CSMD1: variants seen among roughly 807,000 people sequenced by gnomAD.
CSMD1 encodes the protein CUB and sushi domain-containing protein 1.
A neutral mutation model predicts 417.5 loss-of-function variants in CSMD1; 213 were observed. The observed-to-expected ratio is 0.51, with a 90% CI of 0.46 to 0.57. The LOEUF (loss-of-function observed/expected upper bound fraction) is 0.57. CSMD1 is among the 20% of genes least tolerant of loss of function. CSMD1 has a pLI of 0.00. For synonymous variants in CSMD1, 2,862 were observed against 1,736.8 expected, an observed-to-expected ratio of 1.65 and a Z score of -16.11; for missense variants, 6,923 against 4,529.7, an observed-to-expected ratio of 1.53 and a Z score of -15.17.
At chr8:4,038,139 T>G (rs1333384756) in intron 3 of CSMD1, among the ~76,000 whole-genome samples, 1 of 152,138 alleles carries the variant, frequency 6.6e-6, no homozygotes, top group Non-Finnish European at 1.5e-5. Flanking sequence ...AGTCACTGAT[T>G]GGTGACACAA....
intron 13 of CSMD1, among the ~76,000 whole-genome samples, chr8:3,409,165 A>C (rs1286754160): frequency 6.6e-6 from 1 of 152,234 alleles, no homozygotes; most frequent in East Asian, 1.9e-4. Context: ...GATATATGTG[A>C]TGACCCTTTC....
At chr8:3,537,598 T>C (rs1014273713) in intron 10 of CSMD1, among the ~76,000 whole-genome samples, 1 of 152,244 alleles carries the variant, frequency 6.6e-6, no homozygotes, top group Non-Finnish European at 1.5e-5. Context: ...ATTCTGATAA[T>C]GTAATGATGG....
At chr8:4,447,938 CCAT>C (rs1257051110) in intron 2 of CSMD1, among the ~76,000 whole-genome samples, 1 of 152,042 alleles carries the variant, frequency 6.6e-6, no homozygotes, top group African/African-American at 2.4e-5. Context: ...ACCACACTCA[CCAT>C]ATTTTTTAAA....
At chr8:3,630,979 G>C (rs1439086569) in intron 7 of CSMD1, among the ~76,000 whole-genome samples, 1 of 152,174 alleles carries the variant, frequency 6.6e-6, no homozygotes, top group Non-Finnish European at 1.5e-5. Context: ...GGGAATCATT[G>C]ATGTGACCTA....
intron 1 of CSMD1, among the ~76,000 whole-genome samples, chr8:4,790,175 G>A (rs895572990): frequency 6.6e-6 from 1 of 152,040 alleles, no homozygotes; most frequent in Non-Finnish European, 1.5e-5. Context: ...AACATAATAA[G>A]AATATTGTAT....
chr8:4,874,088 G>T (rs553677094), intron 1 of CSMD1, among the ~76,000 whole-genome samples: 22 of 151,990 alleles, frequency 1.4e-4, no homozygotes, highest in Non-Finnish European at 2.5e-4. Context: ...GGCAAGCACC[G>T]CATCAGGCCT....
rs187037272 is a variant in CSMD1 at position 4,027,399 on chromosome 8, G to A, written c.610+4506C>T. Among the ~76,000 whole-genome samples the A allele has an allele frequency of 3.2e-4, 49 of 152,224 alleles. No individual in the cohort carries two copies. In the East Asian group the frequency reaches 7.9e-3, roughly 25 times the overall value. Reference sequence around the variant, plus strand: ...TCTAATCCCCTAATCCCCATGAGTTGGGGAGGCACATTGTGGGAGGTGATT... The same window carrying A: ...TCTAATCCCCTAATCCCCATGAGTTAGGGAGGCACATTGTGGGAGGTGATT... On this transcript the variant is annotated intron_variant, in intron 4 of 69. Transcript: ENST00000635120.
At chr8:3,636,312 G>C (rs1254516088) in intron 7 of CSMD1, among the ~76,000 whole-genome samples, 3 of 152,186 alleles carry the variant, frequency 2.0e-5, no homozygotes, top group South Asian at 2.1e-4. Flanking sequence ...GTACAGGCCG[G>C]GATTACAGGC....
intron 3 of CSMD1, among the ~76,000 whole-genome samples, chr8:4,193,584 G>C (rs1799161119): frequency 6.6e-6 from 1 of 152,048 alleles, no homozygotes; most frequent in Admixed American, 6.6e-5. Flanking sequence ...AAGAGGCAGA[G>C]GATGAGGGTC....
At chr8:3,603,611 T>C (rs1168221623) in intron 8 of CSMD1, among the ~76,000 whole-genome samples, 1 of 152,130 alleles carries the variant, frequency 6.6e-6, no homozygotes, top group Non-Finnish European at 1.5e-5. Context: ...CTTAGGGACA[T>C]GGAATGGAAA....
intron 54 of CSMD1, among the ~76,000 whole-genome samples, chr8:2,984,858 CACACATATTTAT>C (rs754301855): frequency 1.8e-4 from 27 of 152,330 alleles, no homozygotes; most frequent in Non-Finnish European, 2.9e-4. Flanking sequence ...TTTTTTAACT[CACACATATTTAT>C]GCACGTATTT....
intron 3 of CSMD1, among the ~76,000 whole-genome samples, chr8:4,280,030 A>G (rs1796694811): frequency 6.6e-6 from 1 of 152,266 alleles, no homozygotes; most frequent in African/African-American, 2.4e-5. Flanking sequence ...CCCAGCCTAG[A>G]ACACAGTGAA....
intron 5 of CSMD1, among the ~76,000 whole-genome samples, chr8:3,754,493 C>T (rs1310639836): frequency 6.6e-6 from 1 of 151,592 alleles, no homozygotes; most frequent in Non-Finnish European, 1.5e-5. Flanking sequence ...CTCACTGTGT[C>T]ATCCAGGCTG....
At chr8:4,631,495 T>A (rs3804) in intron 2 of CSMD1, among the ~76,000 whole-genome samples, 14,241 of 151,960 alleles carry the variant, frequency 0.094, 719 homozygotes, top group Non-Finnish European at 0.11. Context: ...TAGGCAATGC[T>A]AGGTCTCTAG....
intron 12 of CSMD1, among the ~76,000 whole-genome samples, chr8:3,449,985 C>T (rs1044217896): frequency 6.6e-6 from 1 of 152,198 alleles, no homozygotes; most frequent in African/African-American, 2.4e-5. Context: ...AGTGGAAAAG[C>T]CAGACGGGAG....
intron 3 of CSMD1, among the ~76,000 whole-genome samples, chr8:4,402,741 C>T (rs1439778532): frequency 2.0e-5 from 3 of 151,554 alleles, no homozygotes; most frequent in African/African-American, 7.3e-5. Context: ...CATTCAACTA[C>T]CTCTTTGCAT....
At chr8:3,441,123 C>T (rs572494732) in intron 12 of CSMD1, among the ~76,000 whole-genome samples, 24 of 152,150 alleles carry the variant, frequency 1.6e-4, no homozygotes, top group African/African-American at 4.6e-4. Flanking sequence ...GGAGTTCCAG[C>T]GGTGCCACTG....
chr8:3,710,265 T>G (rs1171978980), intron 6 of CSMD1, among the ~76,000 whole-genome samples: 1 of 152,122 alleles, frequency 6.6e-6, no homozygotes, highest in Non-Finnish European at 1.5e-5. Context: ...TTTAAACCTA[T>G]GCTGCTCAAG....
At chr8:3,875,820 A>C (rs1805777231) in intron 5 of CSMD1, among the ~76,000 whole-genome samples, 1 of 152,206 alleles carries the variant, frequency 6.6e-6, no homozygotes. Context: ...TGAGAGCTTG[A>C]GGGAATTTGC....
Sources: gnomAD v4.1 joint callset for allele counts (sites outside exome capture counted in the v4.1 genomes callset) on GRCh38, gnomAD v4.1.1 for gene constraint, MANE v1.5 for transcripts, NCBI Gene and HGNC (gene_info 2026-07-23, HGNC 2026-07-21) for gene names.